The following ITPR2 variants were observed in gnomAD, a reference collection of about 807,000 sequenced individuals.
ITPR2 encodes inositol 1,4,5-trisphosphate receptor type 2, also known as inositol 1,4,5-trisphosphate-gated calcium channel ITPR2.
A neutral mutation model predicts 317.1 loss-of-function variants in ITPR2; 207 were observed. That is an observed-to-expected ratio of 0.65 (90% CI 0.58 to 0.73). The LOEUF is 0.73. Among genes scored for constraint, ITPR2 ranks in the 30% least tolerant of loss-of-function variants. The probability of loss-of-function intolerance (pLI) is 0.00; values close to 1 mark genes in which losing one functional copy is unlikely to be tolerated. For synonymous variants in ITPR2, 1,156 were observed against 1,149.1 expected (o/e 1.01, Z -0.12); for missense variants, 2,613 against 3,284.0 (o/e 0.80, Z 4.99).
Position 26,529,079 on chromosome 12 carries a change from C to T in ITPR2, c.5073+21168G>A, listed in dbSNP as rs141877239. Among the ~76,000 whole-genome samples the T allele has an allele frequency of 3.1e-3, 475 of 152,312 alleles. 1 individual carries two copies. The highest frequency in any genetic ancestry group is 5.3e-3 in the Non-Finnish European group (360 of 68,026). ...CCATCATGTCTCAGCTAGATAACTG[C>T]AATCACTTCTTAAAAATTATCTCTG... On this transcript the variant is annotated intron_variant, in intron 37 of 56. Transcript: ENST00000381340.
chr12:26,676,508 TAAAG>T (rs1947910816), intron 13 of ITPR2, among the ~76,000 whole-genome samples: 1 of 139,298 alleles, frequency 7.2e-6, no homozygotes, highest in African/African-American at 2.6e-5. Context: ...AAAGGCAAAA[TAAAG>T]ATATTTTCAT....
At chr12:26,566,240 AGGAGAGGTGAGAGGAGAG>A (rs1944981078) in intron 34 of ITPR2, among the ~76,000 whole-genome samples, 1 of 113,854 alleles carries the variant, frequency 8.8e-6, no homozygotes, top group Non-Finnish European at 1.8e-5. Flanking sequence ...AGGAGGAAAG[AGGAGAGGTGAGAGGAGAG>A]GGAGAGGAGA....
At chr12:26,608,410 C>CT (rs1161827010) in intron 26 of ITPR2, among the ~76,000 whole-genome samples, 1 of 152,152 alleles carries the variant, frequency 6.6e-6, no homozygotes, top group Non-Finnish European at 1.5e-5. Flanking sequence ...CCGGGCCCCC[C>CT]ACCGTCTGGG....
At chr12:26,802,550 T>C (rs909166621) in intron 1 of ITPR2, among the ~76,000 whole-genome samples, 2 of 149,412 alleles carry the variant, frequency 1.3e-5, no homozygotes, top group Non-Finnish European at 3.0e-5. Flanking sequence ...AGAGGAGATA[T>C]ATATATATCT....
At chr12:26,755,715 A>C (rs1949509162) in intron 2 of ITPR2, among the ~76,000 whole-genome samples, 1 of 152,250 alleles carries the variant, frequency 6.6e-6, no homozygotes, top group Admixed American at 6.5e-5. Flanking sequence ...CAATTGAAGA[A>C]ACCGGTTATT....
chr12:26,521,917 T>A (rs959404478), intron 37 of ITPR2, among the ~76,000 whole-genome samples: 1 of 152,192 alleles, frequency 6.6e-6, no homozygotes, highest in Non-Finnish European at 1.5e-5. Context: ...TTAACAAAGT[T>A]ACTCCAGCTA....
rs1449874825 is a variant in ITPR2 at position 26,602,663 on chromosome 12, G to C, written c.3506C>G (p.Pro1169Arg). The part of the protein sequence containing the change: ...LSPVQDGTKK[P>R]QIDSNKSNNY... ...ATTGCTCTTGTTGCTGTCAATCTGAGGTTTCTTTGTTCCATCCTGCACTGG... is the reference window on the plus strand; with the variant it reads ...ATTGCTCTTGTTGCTGTCAATCTGACGTTTCTTTGTTCCATCCTGCACTGG... The change falls in exon 27 of 57, where the codon CCT becomes CGT. Residue 1169 changes from proline to arginine, a missense_variant. Coordinates refer to ENST00000381340, the MANE Select transcript of ITPR2 (RefSeq NM_002223.4). 6.2e-7 allele frequency: 1 copy of C among 1,611,478 alleles called. No individual in the cohort carries two copies.
chr12:26,545,025 T>C (rs1377431426), intron 37 of ITPR2, among the ~76,000 whole-genome samples: 1 of 152,202 alleles, frequency 6.6e-6, no homozygotes, highest in Non-Finnish European at 1.5e-5. Flanking sequence ...ATTTTTGTTC[T>C]ATTCATTTGC....
chr12:26,485,658 T>C (rs935405705), intron 41 of ITPR2, among the ~76,000 whole-genome samples: 1 of 152,236 alleles, frequency 6.6e-6, no homozygotes, highest in African/African-American at 2.4e-5. Flanking sequence ...CTCTTCTATG[T>C]TAATTCTGTT....
intron 10 of ITPR2, among the ~76,000 whole-genome samples, chr12:26,691,337 A>G (rs1948236374): frequency 6.6e-6 from 1 of 152,158 alleles, no homozygotes; most frequent in Admixed American, 6.5e-5. Flanking sequence ...AAAAAGACAC[A>G]GAAACACTAG....
chr12:26,526,524 TG>T (rs1943813105), intron 37 of ITPR2, among the ~76,000 whole-genome samples: 1 of 152,150 alleles, frequency 6.6e-6, no homozygotes, highest in Non-Finnish European at 1.5e-5. Context: ...CTACTAATTT[TG>T]GTAAGAAATG....
At chr12:26,547,697 A>T (rs776802252) in intron 37 of ITPR2, among the ~76,000 whole-genome samples, 4 of 152,250 alleles carry the variant, frequency 2.6e-5, no homozygotes, top group Non-Finnish European at 4.4e-5. Flanking sequence ...TGATGAATAT[A>T]TGTGCAATGG....
intron 37 of ITPR2, among the ~76,000 whole-genome samples, chr12:26,530,127 G>A (rs1292183918): frequency 2.0e-5 from 3 of 152,170 alleles, no homozygotes; most frequent in Non-Finnish European, 2.9e-5. Context: ...AAGCTCACCT[G>A]GCTCAACTGG....
At chr12:26,436,414 C>T in intron 47 of ITPR2, 68 bp from the exon 48 acceptor site, 1 of 1,411,938 alleles carries the variant, frequency 7.1e-7, no homozygotes, top group South Asian at 1.4e-5. Context: ...ATGAAGCTTA[C>T]CAAAACAATA....
intron 32 of ITPR2, among the ~76,000 whole-genome samples, chr12:26,581,580 G>A (rs1945406273): frequency 6.6e-6 from 1 of 152,076 alleles, no homozygotes; most frequent in East Asian, 1.9e-4. Flanking sequence ...TAATAATTTA[G>A]TAAATTTTTA....
chr12:26,590,078 T>C (rs1189989559), intron 32 of ITPR2, among the ~76,000 whole-genome samples: 1 of 151,678 alleles, frequency 6.6e-6, no homozygotes, highest in East Asian at 1.9e-4. Flanking sequence ...GAGAAAATGA[T>C]GGGAGATATG....
chr12:26,409,827 G>A (rs980378870), intron 52 of ITPR2, among the ~76,000 whole-genome samples: 23 of 152,094 alleles, frequency 1.5e-4, no homozygotes, highest in African/African-American at 3.6e-4. Context: ...GAGATCTTCC[G>A]GGCAAAGACC....
chr12:26,387,443 T>C lies in ITPR2; in HGVS notation c.7848A>G (p.Gln2616=). The C allele has an allele frequency of 1.2e-6, 2 of 1,613,570 alleles. No homozygotes were observed. Among genetic ancestry groups the C allele is most frequent in the South Asian group, 1.1e-5 (1 of 91,028 alleles). ...CCTTCTGGTCACTCACCACAATCAT[T>C]TGAGCCACATAACTTTCAGGTCCAG... ...EYTGPESYVA[Q]MIVEKNLDWF... The change falls in exon 55 of 57, where the codon CAA becomes CAG. Residue 2616 remains glutamine, a synonymous_variant. Coordinates refer to ENST00000381340, the MANE Select transcript of ITPR2 (RefSeq NM_002223.4).
At chr12:26,509,877 C>T (rs1943285185) in intron 37 of ITPR2, among the ~76,000 whole-genome samples, 6 of 150,468 alleles carry the variant, frequency 4.0e-5, no homozygotes, top group Non-Finnish European at 7.4e-5. Context: ...TTATGGTTCA[C>T]AAAATATGTT....
Sources: allele counts gnomAD v4.1 joint callset (sites outside exome capture counted in the v4.1 genomes callset), GRCh38; gene constraint gnomAD v4.1.1; transcripts MANE v1.5; gene names NCBI Gene and HGNC (gene_info 2026-07-23, HGNC 2026-07-21).